The following MGLL variants were observed in gnomAD, a reference collection of about 807,000 sequenced individuals.
MGLL encodes monoglyceride lipase, also known as lysophospholipase homolog.
A neutral mutation model predicts 29.1 loss-of-function variants in MGLL; 7 were observed. The ratio of observed to expected loss-of-function variants is 0.24; its 90% CI spans 0.14 to 0.45. The LOEUF is 0.45. MGLL is among the 20% of genes least tolerant of loss of function. The pLI is 0.99. For synonymous variants in MGLL, 148 were observed against 168.3 expected, an observed-to-expected ratio of 0.88 and a Z score of 0.93; for missense variants, 356 against 413.6, an observed-to-expected ratio of 0.86 and a Z score of 1.21.
At chr3:127,810,957 C>G (rs2107750658) in intron 2 of MGLL, among the ~76,000 whole-genome samples, 1 of 149,674 alleles carries the variant, frequency 6.7e-6, no homozygotes, top group Admixed American at 6.6e-5. Flanking sequence ...CAGAGTTTTA[C>G]AGCAAAGCTA....
intron 2 of MGLL, among the ~76,000 whole-genome samples, chr3:127,790,729 G>A (rs2077285597): frequency 6.6e-6 from 1 of 152,158 alleles, no homozygotes. Context: ...TTTCCCGTTA[G>A]CACAGCCTGA....
At chr3:127,801,111 G>C (rs762341811) in intron 2 of MGLL, among the ~76,000 whole-genome samples, 3 of 152,014 alleles carry the variant, frequency 2.0e-5, no homozygotes, top group Non-Finnish European at 4.4e-5. Context: ...AGACCAGCCT[G>C]ACTAACATGG....
At chr3:127,799,324 C>A (rs2077438307) in intron 2 of MGLL, 1 of 152,154 alleles carries the variant, frequency 6.6e-6, no homozygotes, top group African/African-American at 2.4e-5. Flanking sequence ...ATCAGAAGAG[C>A]CGGGCCTCGA....
chr3:127,701,058 T>C (rs1182301776), intron 6 of MGLL, among the ~76,000 whole-genome samples: 1 of 151,008 alleles, frequency 6.6e-6, no homozygotes, highest in Non-Finnish European at 1.5e-5. Context: ...CTACAAAAAA[T>C]ACAAAAATTA....
rs1026453105 is a variant in MGLL at position 127,691,390 on chromosome 3, A to G, written c.*808T>C. The G allele has an allele frequency of 2.0e-5, 3 of 152,256 alleles. No homozygotes were observed. The highest frequency in any genetic ancestry group is 7.2e-5 in the African/African-American group (3 of 41,454). 9.4% of individuals were successfully genotyped at this position (152,256 alleles called of 1,614,324 possible). A position where few individuals can be genotyped will look rare whatever the true frequency, so the allele number is the denominator to read the frequency against. On this transcript the variant is annotated 3_prime_UTR_variant, in exon 8 of 8. Coordinates refer to ENST00000265052, the MANE Select transcript of MGLL (RefSeq NM_007283.7). ...CTCTGCTTTAAAATATACATTATAT[A>G]TTAGACATTTCATCTTCAATATGAT...
intron 3 of MGLL, among the ~76,000 whole-genome samples, chr3:127,730,420 C>T (rs1375795968): frequency 1.3e-5 from 2 of 152,224 alleles, no homozygotes; most frequent in Admixed American, 1.3e-4. Flanking sequence ...ACCCACCTGC[C>T]CACGGTTCCT....
Position 127,692,341 on chromosome 3 carries a change from A to T in MGLL, c.817-18T>A. On this transcript the variant is annotated intron_variant, in intron 7 of 7. Coordinates refer to ENST00000265052, the MANE Select transcript of MGLL (RefSeq NM_007283.7). ...TCATAAATCTGCAATGAGGAGAGACACGGAATCAGAGCTGCACCATCAGAG... is the reference window on the plus strand; with the variant it reads ...TCATAAATCTGCAATGAGGAGAGACTCGGAATCAGAGCTGCACCATCAGAG... 6.2e-7 allele frequency: 1 copy of T among 1,613,968 alleles called. No individual in the cohort carries two copies. Among genetic ancestry groups the T allele is most frequent in the African/African-American group, 1.3e-5 (1 of 75,046 alleles).
intron 5 of MGLL, chr3:127,711,655 C>T (rs1295954748): frequency 6.6e-6 from 1 of 151,962 alleles, no homozygotes; most frequent in Non-Finnish European, 1.5e-5. Context: ...AGCTCAGTAC[C>T]CTTGGCAGAG....
chr3:127,816,537 G>A (rs370069785), intron 2 of MGLL, among the ~76,000 whole-genome samples: 13 of 152,288 alleles, frequency 8.5e-5, no homozygotes, highest in African/African-American at 3.1e-4. Flanking sequence ...TGCCACACCC[G>A]TGTCTGGCTG....
At chr3:127,765,825 G>C (rs891259084) in intron 3 of MGLL, among the ~76,000 whole-genome samples, 1 of 152,168 alleles carries the variant, frequency 6.6e-6, no homozygotes, top group Non-Finnish European at 1.5e-5. Context: ...AAAGATGGGG[G>C]CTGTCTATTT....
intron 5 of MGLL, among the ~76,000 whole-genome samples, chr3:127,718,032 C>G (rs2075849326): frequency 6.6e-6 from 1 of 152,228 alleles, no homozygotes. Flanking sequence ...GCCCCCCCAT[C>G]CATCCTCATT....
intron 3 of MGLL, among the ~76,000 whole-genome samples, chr3:127,731,773 G>A (rs1246465062): frequency 1.3e-5 from 2 of 152,172 alleles, no homozygotes; most frequent in African/African-American, 4.8e-5. Context: ...CCCCTGCAGG[G>A]CCCTGCGTGG....
chr3:127,730,026 A>G (rs1048817069), intron 3 of MGLL, among the ~76,000 whole-genome samples: 1 of 152,186 alleles, frequency 6.6e-6, no homozygotes, highest in Non-Finnish European at 1.5e-5. Context: ...TCTCCTTCAC[A>G]TAGCGGTTAA....
chr3:127,791,486 A>T (rs2077299535), intron 2 of MGLL, among the ~76,000 whole-genome samples: 1 of 152,194 alleles, frequency 6.6e-6, no homozygotes, highest in Admixed American at 6.5e-5. Flanking sequence ...GTATCTGTGC[A>T]TCTCTAAGAT....
At chr3:127,702,015 T>C (rs1003658171) in intron 6 of MGLL, among the ~76,000 whole-genome samples, 4 of 152,168 alleles carry the variant, frequency 2.6e-5, no homozygotes, top group African/African-American at 9.7e-5. Context: ...AGCTCTCACC[T>C]GCTAGGGTCC....
intron 3 of MGLL, among the ~76,000 whole-genome samples, chr3:127,737,630 CTTTTTTTTTTTTT>C (rs774965066): frequency 2.9e-5 from 2 of 68,610 alleles, no homozygotes; most frequent in East Asian, 5.5e-4. Flanking sequence ...TCAACTGCTT[CTTTTTTTTTTTTT>C]TTTTTTTTTT....
At chr3:127,697,490 G>A (rs555640628) in intron 6 of MGLL, among the ~76,000 whole-genome samples, 23 of 152,322 alleles carry the variant, frequency 1.5e-4, no homozygotes, top group Non-Finnish European at 3.2e-4. Context: ...GGCACAGAGA[G>A]GCTTGTCAAC....
intron 5 of MGLL, chr3:127,715,471 C>T (rs2075795480): frequency 2.9e-6 from 1 of 346,600 alleles, no homozygotes; most frequent in African/African-American, 2.1e-5. Context: ...CCATAAAAGC[C>T]CCAAGAAAGA....
intron 3 of MGLL, among the ~76,000 whole-genome samples, chr3:127,731,779 C>A (rs781234986): frequency 6.6e-6 from 1 of 152,210 alleles, no homozygotes; most frequent in South Asian, 2.1e-4. Flanking sequence ...CAGGGCCCTG[C>A]GTGGCATGCT....
Sources: gnomAD v4.1 joint callset for allele counts (sites outside exome capture counted in the v4.1 genomes callset) on GRCh38, gnomAD v4.1.1 for gene constraint, MANE v1.5 for transcripts, NCBI Gene and HGNC (gene_info 2026-07-23, HGNC 2026-07-21) for gene names.